The following BABAM2 variants were observed in gnomAD, a reference collection of about 807,000 sequenced individuals.
BABAM2 encodes the protein BRISC and BRCA1 A complex member 2.
A neutral mutation model predicts 54.7 loss-of-function variants in BABAM2; 31 were observed. The ratio of observed to expected loss-of-function variants is 0.57; its 90% CI spans 0.43 to 0.77. The LOEUF (loss-of-function observed/expected upper bound fraction) is 0.77, where lower values mean the gene tolerates loss of function less well. Ranked by LOEUF, BABAM2 falls within the 30% of genes least tolerant of loss-of-function variation. BABAM2 has a pLI of 0.00. For synonymous variants in BABAM2, 167 were observed against 162.9 expected (o/e 1.03, Z -0.19); for missense variants, 364 against 455.8 (o/e 0.80, Z 1.83).
chr2:28,263,726 C>T (rs1032312157), intron 10 of BABAM2, among the ~76,000 whole-genome samples: 14 of 152,340 alleles, frequency 9.2e-5, no homozygotes, highest in South Asian at 4.1e-4. Context: ...AGAATTCCAA[C>T]CTCAGAGCAC....
intron 3 of BABAM2, among the ~76,000 whole-genome samples, chr2:27,977,451 A>G (rs1189098668): frequency 6.6e-6 from 1 of 152,192 alleles, no homozygotes; most frequent in Non-Finnish European, 1.5e-5. Flanking sequence ...GGATTCTAAA[A>G]TTTAGTTGTC....
intron 2 of BABAM2, among the ~76,000 whole-genome samples, chr2:27,906,752 A>C (rs1241357520): frequency 6.6e-6 from 1 of 152,190 alleles, no homozygotes; most frequent in East Asian, 1.9e-4. Flanking sequence ...TGTGTAAAGA[A>C]AAGTGGGTAG....
intron 11 of BABAM2, among the ~76,000 whole-genome samples, chr2:28,313,093 T>C (rs1477911617): frequency 6.6e-6 from 1 of 152,026 alleles, no homozygotes; most frequent in Admixed American, 6.5e-5. Context: ...ACCCGTGGAG[T>C]GGCCTGGCAT....
intron 5 of BABAM2, among the ~76,000 whole-genome samples, chr2:28,041,698 C>T (rs1261654593): frequency 6.6e-6 from 1 of 152,218 alleles, no homozygotes; most frequent in African/African-American, 2.4e-5. Flanking sequence ...GTTTTTCCTT[C>T]AGTTCCACAT....
intron 4 of BABAM2, chr2:28,013,330 C>G (rs1674536765): frequency 2.2e-6 from 1 of 455,210 alleles, no homozygotes; most frequent in African/African-American, 2.0e-5. Context: ...TTGAACATGC[C>G]CTAGAATTCC....
Position 28,234,424 on chromosome 2 carries a change from G to A in BABAM2, c.681-2778G>A, listed in dbSNP as rs77712990. On this transcript the variant is annotated intron_variant, in intron 7 of 11. Coordinates refer to ENST00000379624, the MANE Select transcript of BABAM2 (RefSeq NM_199191.3). ...AATTTTTGTCTAACGGCTGTATTTC[G>A]GAATGACACAATCCAAGCAGAGAGA... 1.8e-3 allele frequency among the ~76,000 whole-genome samples: 269 copies of A among 151,852 alleles called. 2 individuals are homozygous for A. Among genetic ancestry groups the A allele is most frequent in the African/African-American group, 6.3e-3 (259 of 41,392 alleles).
rs1289553037 is a variant in BABAM2 at position 27,894,546 on chromosome 2, G to A, written c.-11G>A. The A allele has an allele frequency of 1.9e-6, 3 of 1,613,764 alleles. No homozygotes were observed. Among genetic ancestry groups the A allele is most frequent in the Non-Finnish European group, 2.5e-6 (3 of 1,179,674 alleles). ...TTCTGCTTTCAGTGGTGATTTACAA[G>A]TCAAGTTAAAATGTCCCCAGAAGTG... On this transcript the variant is annotated 5_prime_UTR_variant, in exon 2 of 12. Transcript: ENST00000379624.
intron 3 of BABAM2, among the ~76,000 whole-genome samples, chr2:27,939,812 TAATGAG>T (rs1230639637): frequency 6.6e-6 from 1 of 152,174 alleles, no homozygotes; most frequent in South Asian, 2.1e-4. Context: ...AAACTGCAGT[TAATGAG>T]AATGAGAATG....
rs549744806 is a variant in BABAM2, at chr2:27,993,908, A to G, written c.300+5821A>G. Among the ~76,000 whole-genome samples, 33 of 152,314 alleles carry G rather than the reference A, an allele frequency of 2.2e-4. No individual in the cohort carries two copies. The South Asian group carries it at 6.8e-3, about 32-fold the overall frequency. On this transcript the variant is annotated intron_variant, in intron 4 of 11. Transcript: ENST00000379624. ...TCCTTGCAAAATAGTTCCCATCCCCAGTATACACAAAATATATACAAAGAA... is the reference window on the plus strand; with the variant it reads ...TCCTTGCAAAATAGTTCCCATCCCCGGTATACACAAAATATATACAAAGAA...
At chr2:28,326,404 G>C (rs910266691) in intron 11 of BABAM2, among the ~76,000 whole-genome samples, 1 of 152,122 alleles carries the variant, frequency 6.6e-6, no homozygotes, top group Non-Finnish European at 1.5e-5. Context: ...AGGTGCAGAT[G>C]GGGAGACAAG....
At chr2:28,205,698 A>G (rs1252709879) in intron 7 of BABAM2, among the ~76,000 whole-genome samples, 1 of 151,998 alleles carries the variant, frequency 6.6e-6, no homozygotes, top group Admixed American at 6.6e-5. Context: ...TAGGTCCCAA[A>G]CCTTCTGTAG....
intron 10 of BABAM2, among the ~76,000 whole-genome samples, chr2:28,278,896 C>T (rs1020921388): frequency 6.6e-6 from 1 of 152,130 alleles, no homozygotes; most frequent in African/African-American, 2.4e-5. Flanking sequence ...TGATGGTGCC[C>T]ATTGATGGTG....
chr2:28,241,237 C>A, intron 8 of BABAM2, 86 bp from the exon 9 acceptor site: 3 of 1,318,560 alleles, frequency 2.3e-6, no homozygotes, highest in East Asian at 2.4e-5. Context: ...ACTATTCTTT[C>A]TGCTTCTCTG....
chr2:28,129,367 C>T lies in BABAM2; in HGVS notation c.667C>T (p.Pro223Ser), dbSNP rs1295934462. Residue 223 changes from proline to serine, a missense_variant, in exon 7 of 12, where the codon CCT becomes TCT. Coordinates refer to ENST00000379624, the MANE Select transcript of BABAM2 (RefSeq NM_199191.3). ...TQVYPKLYLS[P>S]RIEHALGGSS... ...GGTGTACCCCAAGCTGTACTTGTCACCTCGAATTGAGCAGTAAGTGTCATT... is the reference window on the plus strand; with the variant it reads ...GGTGTACCCCAAGCTGTACTTGTCATCTCGAATTGAGCAGTAAGTGTCATT... The T allele has an allele frequency of 6.2e-7, 1 of 1,613,286 alleles. No individual in the cohort carries two copies. Among genetic ancestry groups the T allele is most frequent in the Non-Finnish European group, 8.5e-7 (1 of 1,179,212 alleles).
intron 6 of BABAM2, among the ~76,000 whole-genome samples, chr2:28,109,972 C>T (rs188981810): frequency 4.6e-5 from 7 of 152,078 alleles, no homozygotes; most frequent in African/African-American, 7.2e-5. Context: ...TCATGACATC[C>T]GTTTCTGTAA....
intron 10 of BABAM2, among the ~76,000 whole-genome samples, chr2:28,268,086 A>G (rs1685135432): frequency 6.6e-6 from 1 of 152,236 alleles, no homozygotes; most frequent in Admixed American, 6.5e-5. Context: ...TAGAATTTTT[A>G]TATAAAGAGC....
At chr2:28,278,915 GA>G (rs1485984618) in intron 10 of BABAM2, among the ~76,000 whole-genome samples, 1 of 152,222 alleles carries the variant, frequency 6.6e-6, no homozygotes, top group Non-Finnish European at 1.5e-5. Flanking sequence ...TGTAGAAAAA[GA>G]AACACTCATG....
chr2:28,006,631 G>C (rs1243009198), intron 4 of BABAM2, among the ~76,000 whole-genome samples: 1 of 151,964 alleles, frequency 6.6e-6, no homozygotes, highest in Non-Finnish European at 1.5e-5. Context: ...TTAAAAAGTG[G>C]CTATCTGTTC....
At chr2:28,133,283 T>C (rs1333390963) in intron 7 of BABAM2, among the ~76,000 whole-genome samples, 2 of 152,206 alleles carry the variant, frequency 1.3e-5, no homozygotes, top group South Asian at 2.1e-4. Context: ...TAAGCTCTCA[T>C]TTATTTTCTG....
Sources: gnomAD v4.1 joint callset for allele counts (sites outside exome capture counted in the v4.1 genomes callset) on GRCh38, gnomAD v4.1.1 for gene constraint, MANE v1.5 for transcripts, NCBI Gene and HGNC (gene_info 2026-07-23, HGNC 2026-07-21) for gene names.